Variants in MCHR2 observed in about 807,000 individuals in gnomAD.
MCHR2 encodes melanin concentrating hormone receptor 2, also known as melanin-concentrating hormone receptor 2.
In MCHR2, 15 loss-of-function variants were observed where a neutral mutation model predicts 24.8. That is an observed-to-expected ratio of 0.60 (90% CI 0.40 to 0.93). The LOEUF is 0.93. MCHR2 is among the 40% of genes least tolerant of loss of function. The probability of loss-of-function intolerance (pLI) is 0.00; values close to 1 mark genes in which losing one functional copy is unlikely to be tolerated. For missense variants in MCHR2, 386 were observed against 408.7 expected (o/e 0.94, Z 0.48); for synonymous variants, 151 against 147.6 (o/e 1.02, Z -0.17).
chr6:99,956,954 G>A lies in MCHR2; in HGVS notation c.-27-780C>T, dbSNP rs923462109. Among the ~76,000 whole-genome samples the A allele has an allele frequency of 1.1e-4, 16 of 152,008 alleles. 1 individual carries two copies. The highest frequency in any genetic ancestry group is 3.6e-4 in the African/African-American group (15 of 41,368). The stretch of plus-strand genomic sequence containing the variant: ...AATATGCTGGACAAAATGTGTGTGT[G>A]TGTGTGTGTGTATTTATATTTATGT... On this transcript the variant is annotated intron_variant, in intron 1 of 5. Coordinates refer to ENST00000281806, the MANE Select transcript of MCHR2 (RefSeq NM_001040179.2).
intron 2 of MCHR2, among the ~76,000 whole-genome samples, chr6:99,948,821 G>T (rs1562124473): frequency 6.6e-6 from 1 of 152,010 alleles, no homozygotes; most frequent in African/African-American, 2.4e-5. Context: ...TTAGGCCATT[G>T]TTAAGATTTC....
At chr6:99,981,965 T>C (rs1775677359) in intron 1 of MCHR2, among the ~76,000 whole-genome samples, 1 of 152,170 alleles carries the variant, frequency 6.6e-6, no homozygotes, top group Non-Finnish European at 1.5e-5. Flanking sequence ...ACAATGCTTG[T>C]TGACTGAGGT....
At chr6:99,936,724 A>C (rs1774668427) in intron 4 of MCHR2, among the ~76,000 whole-genome samples, 1 of 151,944 alleles carries the variant, frequency 6.6e-6, no homozygotes, top group Non-Finnish European at 1.5e-5. Context: ...GTTTCTGTGA[A>C]AACTGTTATT....
At chr6:99,992,512 G>A (rs1222274066) in intron 1 of MCHR2, among the ~76,000 whole-genome samples, 1 of 152,130 alleles carries the variant, frequency 6.6e-6, no homozygotes, top group African/African-American at 2.4e-5. Context: ...AATGAAATTG[G>A]TTCTCTCACA....
chr6:99,973,618 T>G (rs1775483644), intron 1 of MCHR2, among the ~76,000 whole-genome samples: 1 of 152,226 alleles, frequency 6.6e-6, no homozygotes, highest in African/African-American at 2.4e-5. Context: ...GTTAGCTGGT[T>G]ATTTTGCTCA....
intron 1 of MCHR2, among the ~76,000 whole-genome samples, chr6:99,963,579 C>T (rs1775239208): frequency 1.3e-5 from 2 of 152,010 alleles, no homozygotes; most frequent in South Asian, 4.1e-4. Flanking sequence ...TAGGTATTTG[C>T]TGTAAAATGT....
At chr6:99,986,282 A>C (rs1277854451) in intron 1 of MCHR2, among the ~76,000 whole-genome samples, 1 of 152,172 alleles carries the variant, frequency 6.6e-6, no homozygotes, top group African/African-American at 2.4e-5. Context: ...AAGGAAGTAA[A>C]AAAAGAACTA....
At chr6:99,925,828 TA>T (rs1170985483) in intron 5 of MCHR2, among the ~76,000 whole-genome samples, 3 of 151,278 alleles carry the variant, frequency 2.0e-5, no homozygotes, top group African/African-American at 7.3e-5. Flanking sequence ...TTTTTATTTT[TA>T]TTTTTTATTT....
At chr6:99,989,171 G>A (rs575901264) in intron 1 of MCHR2, among the ~76,000 whole-genome samples, 1 of 152,264 alleles carries the variant, frequency 6.6e-6, no homozygotes, top group East Asian at 1.9e-4. Flanking sequence ...AGGATCATTT[G>A]AGCCCAGGAG....
chr6:99,928,065 A>G (rs1468747165), intron 5 of MCHR2, among the ~76,000 whole-genome samples: 1 of 152,180 alleles, frequency 6.6e-6, no homozygotes, highest in African/African-American at 2.4e-5. Context: ...GAATTTTGTC[A>G]AAGGCCTTTT....
At position 99,974,890 on chromosome 6, in the gene MCHR2, T is replaced by C. The variant is rs899243081; in HGVS notation, c.-27-18716A>G. Among the ~76,000 whole-genome samples, 16 of 152,178 alleles carry C rather than the reference T, an allele frequency of 1.1e-4. 1 individual carries two copies. The highest frequency in any genetic ancestry group is 3.9e-4 in the African/African-American group (16 of 41,442). ...ACAGTGGTGGCTGTACAACAGCAGA[T>C]CTTGGTGAACCGCAAATGCTGCTGC... On this transcript the variant is annotated intron_variant, in intron 1 of 5. Coordinates refer to ENST00000281806, the MANE Select transcript of MCHR2 (RefSeq NM_001040179.2).
At position 99,918,617 on chromosome 6, in the gene MCHR2, G is replaced by A. The variant is rs7772721; in HGVS notation, c.*2323C>T. Among the ~76,000 whole-genome samples, 17,536 of 152,202 alleles carry A rather than the reference G, an allele frequency of 0.12. 1,091 individuals carry two copies. Among genetic ancestry groups the A allele is most frequent in the Non-Finnish European group, 0.13 (8,803 of 67,996 alleles). ...AAGGATACGATTATTATTTGACTGA[G>A]TGACAAATACCCAAGTATCATTATT... is the stretch of plus-strand genomic sequence containing the variant. On this transcript the variant is annotated 3_prime_UTR_variant, in exon 6 of 6. Transcript: ENST00000281806.
chr6:99,967,836 A>G (rs1329945172), intron 1 of MCHR2, among the ~76,000 whole-genome samples: 2 of 152,138 alleles, frequency 1.3e-5, no homozygotes. Context: ...CCATCTCCTT[A>G]CATTCTATTC....
At chr6:99,961,364 C>T (rs529388312) in intron 1 of MCHR2, among the ~76,000 whole-genome samples, 2 of 151,972 alleles carry the variant, frequency 1.3e-5, no homozygotes, top group African/African-American at 4.8e-5. Context: ...TGGTTATACA[C>T]CCAAAGGATT....
intron 1 of MCHR2, among the ~76,000 whole-genome samples, chr6:99,981,395 A>G (rs1488151611): frequency 6.6e-6 from 1 of 152,222 alleles, no homozygotes; most frequent in African/African-American, 2.4e-5. Flanking sequence ...ACTACTGGAC[A>G]GTGGCTTGTG....
chr6:99,943,193 G>A lies in MCHR2; in HGVS notation c.393-50C>T, dbSNP rs377498289. 28 of 1,472,692 alleles carry A rather than the reference G, an allele frequency of 1.9e-5. No homozygotes were observed. In the African/African-American group the frequency reaches 3.3e-4, roughly 18 times the overall value. The allele number at this position is 1,472,692 out of a possible 1,614,324, so 91.2% of individuals were successfully genotyped here. ...TTGGAACAATCAATAAAAGCACTGA[G>A]CTCCAAGGATGAAAGGTTCATGATG... On this transcript the variant is annotated intron_variant, in intron 3 of 5. Transcript: ENST00000281806.
rs192347876 is a variant in MCHR2, at chr6:99,932,128, G to A, written c.707+2270C>T. Among the ~76,000 whole-genome samples, 17 of 152,128 alleles carry A rather than the reference G, an allele frequency of 1.1e-4. No individual in the cohort carries two copies. The East Asian group carries it at 3.3e-3, about 29-fold the overall frequency. Reference sequence around the variant, plus strand: ...TTCATGTTTGAAGGGTATTTTTGCTGGATATACTATTCTAGGGTATAAGTT... The same window carrying A: ...TTCATGTTTGAAGGGTATTTTTGCTAGATATACTATTCTAGGGTATAAGTT... On this transcript the variant is annotated intron_variant, in intron 5 of 5. Coordinates refer to ENST00000281806, the MANE Select transcript of MCHR2 (RefSeq NM_001040179.2).
chr6:99,989,603 T>G (rs1435156039), intron 1 of MCHR2, among the ~76,000 whole-genome samples: 1 of 152,072 alleles, frequency 6.6e-6, no homozygotes, highest in Non-Finnish European at 1.5e-5. Context: ...GGAACAATGG[T>G]CCCCCTGAAA....
At chr6:99,927,872 T>C (rs1012511401) in intron 5 of MCHR2, among the ~76,000 whole-genome samples, 16 of 152,154 alleles carry the variant, frequency 1.1e-4, no homozygotes, top group Non-Finnish European at 2.4e-4. Context: ...TCCAACACTA[T>C]GTTGAATAGG....
Sources: gnomAD v4.1 joint callset for allele counts (sites outside exome capture counted in the v4.1 genomes callset) on GRCh38, gnomAD v4.1.1 for gene constraint, MANE v1.5 for transcripts, NCBI Gene and HGNC (gene_info 2026-07-23, HGNC 2026-07-21) for gene names.